The following LIN7C variants were observed in gnomAD, a reference collection of about 807,000 sequenced individuals.
The protein encoded by LIN7C is lin-7 cell polarity scaffold C, also known as protein lin-7 homolog C.
LIN7C carries 17 observed loss-of-function variants against 24.7 expected under a neutral mutation model. The ratio of observed to expected loss-of-function variants is 0.69; its 90% CI spans 0.47 to 1.03. The LOEUF (loss-of-function observed/expected upper bound fraction) is 1.03, where lower values mean the gene tolerates loss of function less well. LIN7C is among the 50% of genes least tolerant of loss of function. LIN7C has a pLI of 0.00. For synonymous variants in LIN7C, 90 were observed against 83.4 expected (o/e 1.08, Z -0.43); for missense variants, 204 against 239.0 (o/e 0.85, Z 0.97).
At chr11:27,499,690 T>C (rs941064308) in intron 3 of LIN7C, 122 bp from the exon 4 acceptor site, 3 of 812,632 alleles carry the variant, frequency 3.7e-6, no homozygotes, top group Non-Finnish European at 5.8e-6. Context: ...TGGCGTGATC[T>C]TGGCTCACTG....
intron 2 of LIN7C, 95 bp downstream of exon 2, chr11:27,501,707 C>A: frequency 3.2e-6 from 3 of 951,104 alleles, no homozygotes; most frequent in South Asian, 3.3e-5. Flanking sequence ...TTAATGTTTT[C>A]TAAAGTTTTT....
At chr11:27,505,743 A>G (rs1375696145) in intron 1 of LIN7C, among the ~76,000 whole-genome samples, 8 of 152,270 alleles carry the variant, frequency 5.3e-5, no homozygotes, top group Non-Finnish European at 1.0e-4. Context: ...TATGTGCAAT[A>G]TAATTTCAGT....
rs539971716 is a variant in LIN7C, at chr11:27,497,141, T to C, written c.*1508A>G. On this transcript the variant is annotated 3_prime_UTR_variant, in exon 5 of 5. Transcript: ENST00000278193. ...CCTTAATGATAAATAACAATGCTGA[T>C]TGACTTTTATTTTGAAAAATCATTG... 2.0e-5 allele frequency: 3 copies of C among 152,710 alleles called. No homozygotes were observed. The highest frequency in any genetic ancestry group is 2.1e-4 in the South Asian group (1 of 4,820). The allele number at this position is 152,710 out of a possible 1,614,324, so 9.5% of individuals were successfully genotyped here.
At chr11:27,498,866 T>A in intron 4 of LIN7C, 62 bp from the exon 5 acceptor site, 1 of 1,423,860 alleles carries the variant, frequency 7.0e-7, no homozygotes, top group African/African-American at 1.4e-5. Flanking sequence ...TAACTCAAAA[T>A]GCAAAAATGT....
In LIN7C at chr11:27,501,876, C is replaced by T; in HGVS notation, c.82G>A (p.Gly28Arg). 1 of 1,612,714 alleles carries T rather than the reference C, an allele frequency of 6.2e-7. No homozygotes were observed. Reference protein sequence around the residue: ...IELLEKLQRSGEVPPQKLQAL... With the variant: ...IELLEKLQRSREVPPQKLQAL... ...TGAAGTTTCTGTGGTGGTACTTCTC[C>T]ACTCCTTTGTAGTTTTTCCAATAAT... The change falls in exon 2 of 5, where the codon GGA becomes AGA. Residue 28 changes from glycine (G) to arginine (R), a missense_variant. Gly to Arg is a moderately radical substitution (Grantham distance 125). This residue lies in a region of LIN7C where 126 missense variants were observed against 117.8 expected (regional missense o/e 1.07). Coordinates refer to ENST00000278193, the MANE Select transcript of LIN7C (RefSeq NM_018362.4).
chr11:27,506,297 G>A (rs938049064), intron 1 of LIN7C, among the ~76,000 whole-genome samples: 1 of 152,230 alleles, frequency 6.6e-6, no homozygotes, highest in Admixed American at 6.5e-5. Flanking sequence ...GCGGGGAAAG[G>A]AGGTTCTGTT....
intron 1 of LIN7C, among the ~76,000 whole-genome samples, chr11:27,506,424 G>A (rs1279158086): frequency 2.0e-5 from 3 of 152,240 alleles, no homozygotes; most frequent in Non-Finnish European, 4.4e-5. Context: ...CTTCTGCTGT[G>A]CTCACCAAGG....
At chr11:27,504,504 T>TA (rs1471681099) in intron 1 of LIN7C, among the ~76,000 whole-genome samples, 16 of 152,296 alleles carry the variant, frequency 1.1e-4, no homozygotes, top group African/African-American at 3.6e-4. Context: ...TGTTTGTTAA[T>TA]AGAGTCTGTT....
chr11:27,499,783 C>T (rs903848847), intron 3 of LIN7C, among the ~76,000 whole-genome samples: 6 of 151,444 alleles, frequency 4.0e-5, no homozygotes, highest in South Asian at 2.1e-4. Context: ...CCACCACGCC[C>T]GGCTAATTTT....
intron 1 of LIN7C, 151 bp downstream of exon 1, chr11:27,506,565 G>A: frequency 1.2e-6 from 1 of 805,174 alleles, no homozygotes; most frequent in Non-Finnish European, 2.1e-6. Context: ...CCTTCCTAGA[G>A]CCAGGCACAG....
chr11:27,505,537 A>G (rs534471521), intron 1 of LIN7C, among the ~76,000 whole-genome samples: 1 of 152,214 alleles, frequency 6.6e-6, no homozygotes, highest in African/African-American at 2.4e-5. Flanking sequence ...ATGATGCTTT[A>G]ATAGGCTTAA....
intron 2 of LIN7C, 82 bp from the exon 3 acceptor site, chr11:27,501,648 C>A (rs549029019): frequency 3.0e-4 from 52 of 174,214 alleles, no homozygotes; most frequent in African/African-American, 8.1e-4. Flanking sequence ...AGTTATGCAT[C>A]TTTATAAAAT....
In LIN7C at chr11:27,499,444, T is replaced by C. The variant is rs745795590; in HGVS notation, c.353A>G (p.Tyr118Cys). The C allele has an allele frequency of 5.0e-6, 8 of 1,614,164 alleles. No individual in the cohort carries two copies. Among genetic ancestry groups the C allele is most frequent in the East Asian group, 2.2e-5 (1 of 44,874 alleles). The change falls in exon 4 of 5, where the codon TAT (tyrosine) becomes TGT (cysteine). Residue 118 changes from tyrosine (Y) to cysteine (C), a missense_variant. Tyr to Cys is a radical substitution (Grantham distance 194). This residue lies in a region of LIN7C where 74 missense variants were observed against 99.6 expected (regional missense o/e 0.74). Coordinates refer to ENST00000278193, the MANE Select transcript of LIN7C (RefSeq NM_018362.4). ...MGGKEQNSPI[Y>C]ISRIIPGGIA... ...TCCACCTGGAATTATTCGGGATATA[T>C]AGATTGGAGAGTTTTGTTCTTTGCC...
intron 1 of LIN7C, among the ~76,000 whole-genome samples, chr11:27,505,124 A>G (rs1865264013): frequency 6.6e-6 from 1 of 152,242 alleles, no homozygotes. Context: ...CCTAAGCTCA[A>G]GAGTTCGAGA....
At chr11:27,499,338 A>G (rs763529585) in intron 4 of LIN7C, 21 bp downstream of exon 4, 1 of 1,603,872 alleles carries the variant, frequency 6.2e-7, no homozygotes, top group South Asian at 1.1e-5. Flanking sequence ...CACTACAAAT[A>G]GAAATAAAAT....
At chr11:27,499,712 T>G in intron 3 of LIN7C, 144 bp from the exon 4 acceptor site, 1 of 702,192 alleles carries the variant, frequency 1.4e-6, no homozygotes, top group South Asian at 1.9e-5. Flanking sequence ...AAGCTCCACC[T>G]CCTGGCTTCA....
At position 27,503,335 on chromosome 11, in the gene LIN7C, G is replaced by A. The variant is rs543762971; in HGVS notation, c.38-1415C>T. On this transcript the variant is annotated intron_variant, in intron 1 of 4. Transcript: ENST00000278193. The stretch of plus-strand genomic sequence containing the variant: ...TTTCCAAAAACTGTTTTGGTATACT[G>A]TTTTTGTACCCCTGGTACTACAATG... Among the ~76,000 whole-genome samples the A allele has an allele frequency of 9.2e-5, 14 of 152,182 alleles. No homozygotes were observed. The East Asian group carries it at 1.7e-3, about 19-fold the overall frequency.
At position 27,506,713 on chromosome 11, in the gene LIN7C, C is replaced by A; in HGVS notation, c.37+3G>T. On this transcript the variant is annotated splice_donor_region_variant and intron_variant, in intron 1 of 4. Transcript: ENST00000278193. Reference sequence around the variant, plus strand: ...ACCTCCGCCGAGCCTCGGCTGCACTCACCTCTCTCCAGCCGCACGGGTTCC... The same window carrying A: ...ACCTCCGCCGAGCCTCGGCTGCACTAACCTCTCTCCAGCCGCACGGGTTCC... The A allele has an allele frequency of 6.2e-7, 1 of 1,614,024 alleles. No homozygotes were observed. Among genetic ancestry groups the A allele is most frequent in the Non-Finnish European group, 8.5e-7 (1 of 1,180,004 alleles).
intron 2 of LIN7C, 94 bp downstream of exon 2, chr11:27,501,708 T>C: frequency 1.0e-6 from 1 of 961,718 alleles, no homozygotes; most frequent in South Asian, 1.6e-5. Context: ...TAATGTTTTC[T>C]AAAGTTTTTC....
Sources: allele counts gnomAD v4.1 joint callset (sites outside exome capture counted in the v4.1 genomes callset), GRCh38; gene constraint gnomAD v4.1.1; regional missense constraint gnomAD v4.1.1; transcripts MANE v1.5; gene names NCBI Gene and HGNC (gene_info 2026-07-23, HGNC 2026-07-21).